The following NDST4 variants were observed in gnomAD, a reference collection of about 807,000 sequenced individuals.
NDST4 encodes the protein N-deacetylase and N-sulfotransferase 4.
Under a neutral mutation model 100.8 loss-of-function variants are expected in NDST4, and 63 were observed. That is an observed-to-expected ratio of 0.62 (90% CI 0.51 to 0.77). NDST4 has a LOEUF of 0.77. Among genes scored for constraint, NDST4 ranks in the 30% least tolerant of loss-of-function variants. The pLI is 0.00. For synonymous variants in NDST4, 377 were observed against 361.8 expected (o/e 1.04, Z -0.48); for missense variants, 943 against 1,018.4 (o/e 0.93, Z 1.01).
rs114996909 is a variant in NDST4, at chr4:115,029,486, G to T, written c.978+46573C>A. On this transcript the variant is annotated intron_variant, in intron 2 of 13. Coordinates refer to ENST00000264363, the MANE Select transcript of NDST4 (RefSeq NM_022569.3). Reference sequence around the variant, plus strand: ...AAAAAGTTTCTTGTCCTCTCAGGTAGCTCTGATGAGACTGGGCCAGGTTCT... The same window carrying T: ...AAAAAGTTTCTTGTCCTCTCAGGTATCTCTGATGAGACTGGGCCAGGTTCT... 2.7e-3 allele frequency among the ~76,000 whole-genome samples: 414 copies of T among 152,220 alleles called. 1 individual carries two copies. Among genetic ancestry groups the T allele is most frequent in the African/African-American group, 9.6e-3 (397 of 41,554 alleles).
At chr4:115,015,032 A>G (rs1444442734) in intron 2 of NDST4, among the ~76,000 whole-genome samples, 1 of 152,080 alleles carries the variant, frequency 6.6e-6, no homozygotes, top group Admixed American at 6.6e-5. Flanking sequence ...TGAACTGGGT[A>G]TTATCTGACC....
chr4:115,075,605 T>G (rs536748970), intron 2 of NDST4, among the ~76,000 whole-genome samples: 35 of 151,828 alleles, frequency 2.3e-4, no homozygotes, highest in Non-Finnish European at 4.7e-4. Flanking sequence ...GCCAAGATGG[T>G]GAAACCCCAT....
In NDST4 at chr4:114,839,471, T is replaced by A. The variant is rs773309000; in HGVS notation, c.2193A>T (p.Pro731=). ...YEVISTGHWA[P]SDLKTLQRRC... ...TTCTCTGCAAAGTTTTTAAGTCAGA[T>A]GGAGCCCAATGTCCTGTTGAAATAA... The change falls in exon 11 of 14, where the codon CCA becomes CCT. Residue 731 remains proline, a synonymous_variant. Coordinates refer to ENST00000264363, the MANE Select transcript of NDST4 (RefSeq NM_022569.3). The A allele has an allele frequency of 1.9e-6, 3 of 1,614,096 alleles. No individual in the cohort carries two copies. The South Asian group carries it at 3.3e-5, about 18-fold the overall frequency.
At chr4:114,830,855 C>T (rs907706365) in intron 12 of NDST4, among the ~76,000 whole-genome samples, 2 of 152,148 alleles carry the variant, frequency 1.3e-5, no homozygotes, top group Admixed American at 6.5e-5. Flanking sequence ...AATACTGGTG[C>T]ACCTGCAATT....
At chr4:114,974,341 G>C (rs530975999) in intron 3 of NDST4, among the ~76,000 whole-genome samples, 38 of 151,900 alleles carry the variant, frequency 2.5e-4, no homozygotes, top group Middle Eastern at 3.4e-3. Flanking sequence ...TGTCATGCTT[G>C]AAAGTTAATG....
In NDST4 at chr4:114,891,557, G is replaced by T. The variant is rs181558209; in HGVS notation, c.1537-20607C>A. 4.9e-4 allele frequency among the ~76,000 whole-genome samples: 74 copies of T among 152,048 alleles called. No homozygotes were observed. In the East Asian group the frequency reaches 0.01, roughly 21 times the overall value. ...ATTCTACCCTACCATTTTTCTTGCC[G>T]TAATTTCTTCCTTCTTTATTTGTAT... On this transcript the variant is annotated intron_variant, in intron 6 of 13. Transcript: ENST00000264363.
At position 114,845,938 on chromosome 4, in the gene NDST4, C is replaced by A; in HGVS notation, c.2000G>T (p.Ser667Ile). 6.2e-7 allele frequency: 1 copy of A among 1,613,920 alleles called. No homozygotes were observed. The highest frequency in any genetic ancestry group is 1.1e-5 in the South Asian group (1 of 91,070). ...TTCTTCCGAATGGAAGTAATTAGCA[C>A]TCTTTTCAAACAGAAAGTCACTTGT... ...NTTSDFLFEK[S>I]ANYFHSEEAP... The change falls in exon 10 of 14, where the codon AGT becomes ATT. Residue 667 changes from serine (S) to isoleucine (I), a missense_variant. Ser to Ile is a moderately radical substitution (Grantham distance 142). This residue lies in a region of NDST4 where 526 missense variants were observed against 634.1 expected (regional missense o/e 0.83). Transcript: ENST00000264363.
At chr4:115,026,080 GA>G (rs1727978000) in intron 2 of NDST4, among the ~76,000 whole-genome samples, 1 of 152,010 alleles carries the variant, frequency 6.6e-6, no homozygotes, top group African/African-American at 2.4e-5. Context: ...TCTAGTTCTA[GA>G]ATAATTAAGC....
At chr4:114,961,849 T>C (rs567957739) in intron 4 of NDST4, among the ~76,000 whole-genome samples, 28 of 152,008 alleles carry the variant, frequency 1.8e-4, no homozygotes, top group Admixed American at 3.3e-4. Context: ...GAGGCTAGTA[T>C]CACCCTGACA....
chr4:114,890,301 A>G (rs552447018), intron 6 of NDST4, among the ~76,000 whole-genome samples: 1 of 152,250 alleles, frequency 6.6e-6, no homozygotes, highest in South Asian at 2.1e-4. Flanking sequence ...AATTATAGTT[A>G]TCACGATGAC....
intron 4 of NDST4, among the ~76,000 whole-genome samples, chr4:114,945,091 C>A (rs1160448928): frequency 6.6e-6 from 1 of 151,654 alleles, no homozygotes; most frequent in African/African-American, 2.4e-5. Context: ...TGCCTGTAAT[C>A]CCAGCTACTT....
At chr4:115,078,066 T>C (rs1441954786) in intron 1 of NDST4, among the ~76,000 whole-genome samples, 5 of 152,190 alleles carry the variant, frequency 3.3e-5, no homozygotes, top group Non-Finnish European at 5.9e-5. Context: ...TCACTTCCTT[T>C]AGTTCAAAAA....
chr4:115,012,361 A>C (rs1321605906), intron 2 of NDST4, among the ~76,000 whole-genome samples: 1 of 151,912 alleles, frequency 6.6e-6, no homozygotes, highest in South Asian at 2.1e-4. Flanking sequence ...AGCATCTTAA[A>C]TTTTCACTAC....
At chr4:115,033,150 TATATATA>T (rs1479724249) in intron 2 of NDST4, among the ~76,000 whole-genome samples, 7,965 of 119,158 alleles carry the variant, frequency 0.067, 370 homozygotes, top group East Asian at 0.17. Context: ...TATATATATA[TATATATA>T]TTTTTTTTTT....
At chr4:115,051,795 T>C (rs1255328684) in intron 2 of NDST4, among the ~76,000 whole-genome samples, 1 of 152,152 alleles carries the variant, frequency 6.6e-6, no homozygotes, top group Non-Finnish European at 1.5e-5. Flanking sequence ...AGTGCTGGAT[T>C]ATATGGAAGT....
At chr4:114,965,218 T>A (rs979144955) in intron 4 of NDST4, among the ~76,000 whole-genome samples, 1 of 152,088 alleles carries the variant, frequency 6.6e-6, no homozygotes, top group Non-Finnish European at 1.5e-5. Flanking sequence ...AACTGGATAA[T>A]CCAGTAAAAA....
At chr4:114,860,627 T>C (rs1333417958) in intron 7 of NDST4, among the ~76,000 whole-genome samples, 1 of 152,184 alleles carries the variant, frequency 6.6e-6, no homozygotes, top group Non-Finnish European at 1.5e-5. Flanking sequence ...TCTGAGCCCC[T>C]AGGTGATCAT....
At chr4:114,993,313 T>C (rs1238181545) in intron 2 of NDST4, among the ~76,000 whole-genome samples, 1 of 151,942 alleles carries the variant, frequency 6.6e-6, no homozygotes, top group Admixed American at 6.6e-5. Context: ...TCTGTATTAG[T>C]TGTGCATTTC....
At chr4:114,838,552 G>A (rs576132733) in intron 11 of NDST4, among the ~76,000 whole-genome samples, 1 of 152,198 alleles carries the variant, frequency 6.6e-6, no homozygotes, top group East Asian at 1.9e-4. Context: ...ATCATTGTCA[G>A]CAAACTAACA....
Sources: gnomAD v4.1 joint callset for allele counts (sites outside exome capture counted in the v4.1 genomes callset) on GRCh38, gnomAD v4.1.1 for gene constraint, gnomAD v4.1.1 regional missense constraint, MANE v1.5 for transcripts, NCBI Gene and HGNC (gene_info 2026-07-23, HGNC 2026-07-21) for gene names.